Variants in BLMH observed in about 807,000 individuals in gnomAD.
The protein encoded by BLMH is bleomycin hydrolase, also known as BLM hydrolase.
A neutral mutation model predicts 61.6 loss-of-function variants in BLMH; 32 were observed. That is an observed-to-expected ratio of 0.52 (90% CI 0.39 to 0.70). BLMH has a LOEUF of 0.70. Ranked by LOEUF, BLMH falls within the 30% of genes least tolerant of loss-of-function variation. The pLI is 0.00. For synonymous variants in BLMH, 183 were observed against 193.8 expected (o/e 0.94, Z 0.46); for missense variants, 460 against 555.5 (o/e 0.83, Z 1.73).
At position 30,266,962 on chromosome 17, in the gene BLMH, A is replaced by G. The variant is rs764008730; in HGVS notation, c.1147-8T>C. The G allele has an allele frequency of 1.1e-5, 17 of 1,613,666 alleles. No individual in the cohort carries two copies. The Admixed American group carries it at 2.7e-4, about 25-fold the overall frequency. ...AGCACCATCCTGATCATCCTGCAAA[A>G]AAGTGGATGATGGTGAGTAGTCTGA... is the stretch of plus-strand genomic sequence containing the variant. On this transcript the variant is annotated splice_polypyrimidine_tract_variant and splice_region_variant and intron_variant, in intron 10 of 11. Coordinates refer to ENST00000261714, the MANE Select transcript of BLMH (RefSeq NM_000386.4).
Position 30,274,195 on chromosome 17 carries a change from T to C in BLMH, c.648A>G (p.Ile216Met), listed in dbSNP as rs1908355944. 2 of 1,613,378 alleles carry C rather than the reference T, an allele frequency of 1.2e-6. No homozygotes were observed. Among genetic ancestry groups the C allele is most frequent in the South Asian group, 1.1e-5 (1 of 90,808 alleles). Residue 216 changes from isoleucine (I) to methionine (M), a missense_variant and splice_region_variant, in exon 7 of 12, where the codon ATA becomes ATG. Physicochemically the swap from Ile to Met is conservative, Grantham distance 10. This residue lies in a region of BLMH where 310 missense variants were observed against 371.1 expected (regional missense o/e 0.84). Coordinates refer to ENST00000261714, the MANE Select transcript of BLMH (RefSeq NM_000386.4). Reference protein sequence around the residue: ...SATQDVMMEEIFRVVCICLGN... With the variant: ...SATQDVMMEEMFRVVCICLGN... ...CCAAACAGATGCACACCACTCGGAA[T>C]ATCTGGAAGAGAGGAGGAGGAAAGG...
At chr17:30,250,240 T>G (rs566988478) in intron 11 of BLMH, 5 of 152,128 alleles carry the variant, frequency 3.3e-5, no homozygotes, top group African/African-American at 9.7e-5. Context: ...GGGACCTAAT[T>G]AAACTAAAAG....
rs182345170 is a variant in BLMH at position 30,260,196 on chromosome 17, A to T, written c.1216+6689T>A. ...TGCCAATGACCACTGTTACACAGCC[A>T]ATAGATGGGTTAGCCAGGATGCATA... On this transcript the variant is annotated intron_variant, in intron 11 of 11. Transcript: ENST00000261714. Among the ~76,000 whole-genome samples, 11 of 152,306 alleles carry T rather than the reference A, an allele frequency of 7.2e-5. No homozygotes were observed. The East Asian group carries it at 1.9e-3, about 27-fold the overall frequency.
intron 11 of BLMH, among the ~76,000 whole-genome samples, chr17:30,254,504 G>A (rs1907761423): frequency 6.6e-6 from 1 of 152,068 alleles, no homozygotes; most frequent in African/African-American, 2.4e-5. Flanking sequence ...AGACTGTGTA[G>A]CAACATGAAG....
intron 7 of BLMH, chr17:30,273,102 A>G: frequency 1.7e-6 from 1 of 571,834 alleles, no homozygotes; most frequent in Non-Finnish European, 3.0e-6. Context: ...AATTCGCGTA[A>G]GAGACACAAT....
At chr17:30,249,786 G>C (rs555690790) in intron 11 of BLMH, 1 of 152,522 alleles carries the variant, frequency 6.6e-6, no homozygotes, top group South Asian at 2.1e-4. Context: ...TGTTTTCCTA[G>C]GAGGAAATCT....
In BLMH at chr17:30,274,138, A is replaced by C. The variant is rs1908354472; in HGVS notation, c.705T>G (p.Tyr235Ter). Reference protein sequence around the residue: ...GNPPETFTWEYRDKDKNYQKI... With the variant: ...GNPPETFTWE ...TCTGATAATTTTTATCTTTGTCTCG[A>C]TATTCCCAGGTGAATGTCTCTGGTG... is the stretch of plus-strand genomic sequence containing the variant. Residue 235 changes from tyrosine to a stop codon, truncating the protein, a stop_gained, in exon 7 of 12, where the codon TAT becomes TAG. Transcript: ENST00000261714. LOFTEE classifies it high-confidence loss of function. The C allele has an allele frequency of 6.2e-7, 1 of 1,613,986 alleles. No individual in the cohort carries two copies. Among genetic ancestry groups the C allele is most frequent in the African/African-American group, 1.3e-5 (1 of 74,890 alleles).
chr17:30,270,265 T>C lies in BLMH; in HGVS notation c.1146+1006A>G, dbSNP rs1044803778. Among the ~76,000 whole-genome samples, 9 of 152,282 alleles carry C rather than the reference T, an allele frequency of 5.9e-5. No individual in the cohort carries two copies. The East Asian group carries it at 1.7e-3, about 29-fold the overall frequency. On this transcript the variant is annotated intron_variant, in intron 10 of 11. Coordinates refer to ENST00000261714, the MANE Select transcript of BLMH (RefSeq NM_000386.4). ...CTGTAATCCCAGCACTTTGGGAAGC[T>C]GAGGCGGGCAGATCACCTGAGGTCA...
chr17:30,263,915 G>A (rs1195327730), intron 11 of BLMH, among the ~76,000 whole-genome samples: 1 of 152,176 alleles, frequency 6.6e-6, no homozygotes, highest in Non-Finnish European at 1.5e-5. Context: ...CAAAATCCCA[G>A]CAATGCTTCT....
At chr17:30,266,751 A>AT in intron 11 of BLMH, 134 bp downstream of exon 11, 5 of 799,878 alleles carry the variant, frequency 6.3e-6, no homozygotes, top group Non-Finnish European at 1.0e-5. Context: ...AGATCCTCAG[A>AT]TTTTTCTGTA....
chr17:30,283,710 C>T (rs538000435), intron 6 of BLMH, among the ~76,000 whole-genome samples: 10 of 151,932 alleles, frequency 6.6e-5, no homozygotes, highest in South Asian at 4.2e-4. Context: ...TTAGTAGAGA[C>T]GGGGTTTCAC....
At position 30,266,772 on chromosome 17, in the gene BLMH, G is replaced by A; in HGVS notation, c.1216+113C>T. 3.2e-6 allele frequency: 3 copies of A among 940,318 alleles called. No individual in the cohort carries two copies. The East Asian group carries it at 7.5e-5, about 23-fold the overall frequency. 58.2% of individuals were successfully genotyped at this position (940,318 alleles called of 1,614,324 possible). A position where few individuals can be genotyped will look rare whatever the true frequency, so the allele number is the denominator to read the frequency against. ...TCAGATTTTTCTGTAGAATAATCTA[G>A]TCAGTGGAGCCAATTACTGAGAAAT... On this transcript the variant is annotated intron_variant, in intron 11 of 11. Transcript: ENST00000261714.
At chr17:30,249,429 C>T in intron 11 of BLMH, 1 of 429,964 alleles carries the variant, frequency 2.3e-6, no homozygotes, top group Non-Finnish European at 4.3e-6. Context: ...AGGTTCAGAG[C>T]TGGGCCTTGG....
chr17:30,283,898 A>G (rs1380908151), intron 6 of BLMH, among the ~76,000 whole-genome samples: 1 of 152,166 alleles, frequency 6.6e-6, no homozygotes, highest in Non-Finnish European at 1.5e-5. Context: ...ATTCCAAGCA[A>G]GAAGGGAAGA....
chr17:30,269,305 G>A (rs1043988744), intron 10 of BLMH, among the ~76,000 whole-genome samples: 3 of 150,660 alleles, frequency 2.0e-5, no homozygotes, highest in Admixed American at 6.6e-5. Flanking sequence ...AGCCTCCAGA[G>A]TAGCTGCTGG....
Position 30,285,465 on chromosome 17 carries a change from T to A in BLMH, c.568A>T (p.Ile190Leu). ...ILNHKMREFC[I>L]RLRNLVHSGA... ...CTGTGTACCAGGTTCCGCAGTCGTA[T>A]ACAGAATTCTCTCATCTATGACAGA... is the stretch of plus-strand genomic sequence containing the variant. Residue 190 changes from isoleucine to leucine, a missense_variant, in exon 6 of 12, where the codon ATA becomes TTA. By Grantham distance (5) the Ile-to-Leu change is conservative. Transcript: ENST00000261714. 1 of 1,611,158 alleles carries A rather than the reference T, an allele frequency of 6.2e-7. No individual in the cohort carries two copies. The highest frequency in any genetic ancestry group is 1.7e-5 in the Admixed American group (1 of 59,468).
chr17:30,263,924 C>A (rs1908030121), intron 11 of BLMH, among the ~76,000 whole-genome samples: 1 of 152,250 alleles, frequency 6.6e-6, no homozygotes, highest in Non-Finnish European at 1.5e-5. Context: ...AGCAATGCTT[C>A]TTAAGGTTGT....
At chr17:30,271,037 G>A (rs781486069) in intron 10 of BLMH, among the ~76,000 whole-genome samples, 11 of 152,182 alleles carry the variant, frequency 7.2e-5, no homozygotes, top group Non-Finnish European at 1.2e-4. Context: ...TACAGAAACA[G>A]TTACTTGGTC....
intron 11 of BLMH, among the ~76,000 whole-genome samples, chr17:30,262,902 G>A (rs917844525): frequency 6.6e-6 from 1 of 152,198 alleles, no homozygotes; most frequent in African/African-American, 2.4e-5. Context: ...TTTCTGACTT[G>A]CCTAAGTCAC....
Sources: gnomAD v4.1 joint callset for allele counts (sites outside exome capture counted in the v4.1 genomes callset) on GRCh38, gnomAD v4.1.1 for gene constraint, gnomAD v4.1.1 regional missense constraint, MANE v1.5 for transcripts, NCBI Gene and HGNC (gene_info 2026-07-23, HGNC 2026-07-21) for gene names.